The following TSPEAR variants were observed in gnomAD, a reference collection of about 807,000 sequenced individuals.
TSPEAR encodes thrombospondin type laminin G domain and EAR repeats.
TSPEAR carries 69 observed loss-of-function variants against 71.6 expected under a neutral mutation model. That is an observed-to-expected ratio of 0.96 (90% confidence interval 0.79 to 1.18). The LOEUF is 1.18. TSPEAR is among the 50% of genes most tolerant of loss of function. The probability of loss-of-function intolerance (pLI) is 0.00; values close to 1 mark genes in which losing one functional copy is unlikely to be tolerated. For synonymous variants in TSPEAR, 402 were observed against 387.2 expected (o/e 1.04, Z -0.45); for missense variants, 971 against 894.9 (o/e 1.09, Z -1.09).
chr21:44,580,135 A>T (rs1313381140), intron 1 of TSPEAR: 1 of 1,606,792 alleles, frequency 6.2e-7, no homozygotes, highest in Non-Finnish European at 8.5e-7. Flanking sequence ...ATGAAGAGGA[A>T]TCCTCAGAAC....
At position 44,604,143 on chromosome 21, in the gene TSPEAR, C is replaced by G. The variant is rs587720864; in HGVS notation, c.83-36138G>C. Among the ~76,000 whole-genome samples the G allele has an allele frequency of 4.7e-4, 71 of 152,286 alleles. No homozygotes were observed. In the South Asian group the frequency reaches 4.8e-3, roughly 10 times the overall value. On this transcript the variant is annotated intron_variant, in intron 1 of 11. Coordinates refer to ENST00000323084, the MANE Select transcript of TSPEAR (RefSeq NM_144991.3). ...CTGCCTCTCTTCCTTGCCGGGCTAT[C>G]TTGGAGGCTCACGTGCCAGAGAGTG...
intron 1 of TSPEAR, among the ~76,000 whole-genome samples, chr21:44,639,191 T>G (rs1383910855): frequency 6.6e-6 from 1 of 152,098 alleles, no homozygotes; most frequent in East Asian, 1.9e-4. Context: ...CCGAGGACCC[T>G]GTCCCCGCAC....
intron 1 of TSPEAR, among the ~76,000 whole-genome samples, chr21:44,635,069 G>A (rs782563321): frequency 6.6e-6 from 1 of 152,150 alleles, no homozygotes; most frequent in African/African-American, 2.4e-5. Flanking sequence ...ATAGGGCCGG[G>A]CGCAGTGGCT....
chr21:44,550,136 G>T (rs587685537), intron 2 of TSPEAR, among the ~76,000 whole-genome samples: 1 of 152,394 alleles, frequency 6.6e-6, no homozygotes, highest in Non-Finnish European at 1.5e-5. Context: ...GTGGGACTCA[G>T]CCAATGAACA....
At chr21:44,511,475 T>A (rs1405336562) in intron 9 of TSPEAR, among the ~76,000 whole-genome samples, 1 of 152,214 alleles carries the variant, frequency 6.6e-6, no homozygotes, top group Non-Finnish European at 1.5e-5. Flanking sequence ...TACACATGTA[T>A]ACCTACACAC....
At chr21:44,676,098 C>G (rs956701455) in intron 1 of TSPEAR, 1 of 871,684 alleles carries the variant, frequency 1.1e-6, no homozygotes, top group African/African-American at 1.6e-5. Flanking sequence ...TTTATATCTT[C>G]AGATCAGAGC....
intron 9 of TSPEAR, chr21:44,518,721 T>G (rs1404999316): frequency 4.3e-6 from 2 of 470,052 alleles, no homozygotes; most frequent in Non-Finnish European, 8.8e-6. Context: ...TGCCTACGTC[T>G]TCTTTCAGGA....
At chr21:44,646,453 C>T (rs782644515) in intron 1 of TSPEAR, 15 of 1,602,012 alleles carry the variant, frequency 9.4e-6, no homozygotes, top group East Asian at 8.9e-5. Flanking sequence ...TCCTCCCCAC[C>T]CCAGCATGGC....
chr21:44,612,304 A>C lies in TSPEAR; in HGVS notation c.83-44299T>G, dbSNP rs781967455. ...GCTGTACCCCTAGCTGCTGTGCCCC[A>C]GCCCCCTGCCTGGCCCTGGTCTGTG... On this transcript the variant is annotated intron_variant, in intron 1 of 11. Transcript: ENST00000323084. This position sits in a 1 kb window ranked among gnomAD's most constrained non-coding sequence, Gnocchi z 4.1. The C allele has an allele frequency of 6.2e-7, 1 of 1,613,480 alleles. No individual in the cohort carries two copies. The highest frequency in any genetic ancestry group is 1.7e-5 in the Admixed American group (1 of 60,006).
chr21:44,519,031 T>C (rs1227371832), intron 9 of TSPEAR: 7 of 163,218 alleles, frequency 4.3e-5, no homozygotes, highest in Non-Finnish European at 7.6e-5. Flanking sequence ...GCTTTTGTTG[T>C]TTTTTTTTTG....
chr21:44,644,782 T>C (rs1389235634), intron 1 of TSPEAR, among the ~76,000 whole-genome samples: 1 of 152,180 alleles, frequency 6.6e-6, no homozygotes, highest in Non-Finnish European at 1.5e-5. Context: ...ATGAAATTAT[T>C]ATTAAAAATG....
Position 44,697,686 on chromosome 21 carries a change from G to A in TSPEAR, c.82+13747C>T, listed in dbSNP as rs1267361765. On this transcript the variant is annotated intron_variant, in intron 1 of 11. Transcript: ENST00000323084. ...CCCGTCTGCTGCAAGCCCATCTGCT[G>A]TGTGCCTGTCTGCTCTGGGGCCTCC... The A allele has an allele frequency of 8.1e-6, 13 of 1,612,932 alleles. No individual in the cohort carries two copies. The Admixed American group carries it at 1.5e-4, about 19-fold the overall frequency.
intron 1 of TSPEAR, among the ~76,000 whole-genome samples, chr21:44,626,441 C>A (rs1555934347): frequency 2.0e-5 from 3 of 152,198 alleles, no homozygotes; most frequent in Admixed American, 6.5e-5. Context: ...GTGGCGAGGG[C>A]TGGCGGCTGC....
At chr21:44,559,614 T>G (rs1339926347) in intron 2 of TSPEAR, among the ~76,000 whole-genome samples, 1 of 152,214 alleles carries the variant, frequency 6.6e-6, no homozygotes, top group Non-Finnish European at 1.5e-5. Flanking sequence ...GTTCTACTGT[T>G]GGCTCCTGGA....
intron 1 of TSPEAR, among the ~76,000 whole-genome samples, chr21:44,694,934 A>G (rs1282085020): frequency 6.6e-6 from 1 of 152,168 alleles, no homozygotes; most frequent in African/African-American, 2.4e-5. Context: ...TAGCTCTTCA[A>G]TGTCCCTTCT....
At chr21:44,510,622 G>T (rs2052342179) in intron 9 of TSPEAR, 1 of 152,330 alleles carries the variant, frequency 6.6e-6, no homozygotes, top group East Asian at 1.9e-4. Flanking sequence ...GCAGGAAAGA[G>T]AAAACTCTGG....
intron 1 of TSPEAR, among the ~76,000 whole-genome samples, chr21:44,701,662 G>A (rs1021150791): frequency 1.3e-5 from 2 of 152,100 alleles, no homozygotes; most frequent in Admixed American, 6.5e-5. Flanking sequence ...AGCGGGGTTC[G>A]TGGTCCTCTG....
chr21:44,521,789 G>A, intron 9 of TSPEAR, 94 bp downstream of exon 9: 1 of 1,256,048 alleles, frequency 8.0e-7, no homozygotes, highest in Non-Finnish European at 1.1e-6. Context: ...TTGGCTCTCG[G>A]TGGACCCCCA....
intron 5 of TSPEAR, 126 bp downstream of exon 5, chr21:44,529,672 G>T: frequency 9.3e-7 from 1 of 1,077,818 alleles, no homozygotes. Flanking sequence ...GCTGCCCCCC[G>T]TAGCAGTGAT....
Sources: gnomAD v4.1 joint callset for allele counts (sites outside exome capture counted in the v4.1 genomes callset) on GRCh38, gnomAD v4.1.1 for gene constraint, Gnocchi (gnomAD v3.1) non-coding constraint, MANE v1.5 for transcripts, NCBI Gene and HGNC (gene_info 2026-07-23, HGNC 2026-07-21) for gene names.